TNKS: variants seen among roughly 807,000 people sequenced by gnomAD.
TNKS encodes the protein poly [ADP-ribose] polymerase tankyrase-1.
TNKS carries 72 observed loss-of-function variants against 135.8 expected under a neutral mutation model. That is an observed-to-expected ratio of 0.53 (90% CI 0.44 to 0.64). The LOEUF is 0.64. Among genes scored for constraint, TNKS ranks in the 30% least tolerant of loss-of-function variants. The pLI is 0.00. For missense variants in TNKS, 1,769 were observed against 1,674.0 expected, an observed-to-expected ratio of 1.06 and a Z score of -0.99; for synonymous variants, 849 against 649.3, an observed-to-expected ratio of 1.31 and a Z score of -4.68.
intron 3 of TNKS, chr8:9,679,673 A>ATGCTGTT (rs1802689863): frequency 2.7e-6 from 1 of 374,718 alleles, no homozygotes; most frequent in Non-Finnish European, 4.9e-6. Context: ...TATCAGAGGG[A>ATGCTGTT]ATGTGTTTCT....
At chr8:9,658,776 A>G (rs1354761856) in intron 3 of TNKS, among the ~76,000 whole-genome samples, 1 of 152,246 alleles carries the variant, frequency 6.6e-6, no homozygotes, top group Non-Finnish European at 1.5e-5. Context: ...TCCAATTAAA[A>G]GACACAGACT....
intron 3 of TNKS, among the ~76,000 whole-genome samples, chr8:9,630,931 C>A (rs932610748): frequency 4.6e-5 from 7 of 152,016 alleles, no homozygotes; most frequent in African/African-American, 1.4e-4. Context: ...TAATGTAAAG[C>A]CTCCTTTTTA....
chr8:9,654,924 T>C (rs898034257), intron 3 of TNKS, among the ~76,000 whole-genome samples: 1 of 152,292 alleles, frequency 6.6e-6, no homozygotes, highest in South Asian at 2.1e-4. Flanking sequence ...CAACGCACCA[T>C]GCGTGAGCCG....
At chr8:9,574,829 A>T (rs1011207423) in intron 1 of TNKS, among the ~76,000 whole-genome samples, 2 of 151,962 alleles carry the variant, frequency 1.3e-5, no homozygotes, top group Admixed American at 6.6e-5. Context: ...TGGAGATGCC[A>T]TTTCTTCCTT....
intron 5 of TNKS, among the ~76,000 whole-genome samples, chr8:9,703,464 A>G (rs1333068731): frequency 6.6e-6 from 1 of 152,216 alleles, no homozygotes; most frequent in African/African-American, 2.4e-5. Context: ...ACACACGAGT[A>G]GCATGACTTC....
intron 2 of TNKS, among the ~76,000 whole-genome samples, chr8:9,592,299 T>G (rs529271166): frequency 1.3e-5 from 2 of 152,346 alleles, no homozygotes; most frequent in African/African-American, 4.8e-5. Context: ...TTGTGAACAT[T>G]ATCTGCTTTT....
At chr8:9,617,471 T>A (rs1563120324) in intron 3 of TNKS, among the ~76,000 whole-genome samples, 1 of 152,248 alleles carries the variant, frequency 6.6e-6, no homozygotes, top group African/African-American at 2.4e-5. Context: ...GCTTTTCAGA[T>A]GTGATTTAAA....
intron 3 of TNKS, among the ~76,000 whole-genome samples, chr8:9,617,282 C>T (rs1299798580): frequency 6.6e-6 from 1 of 152,208 alleles, no homozygotes; most frequent in East Asian, 1.9e-4. Context: ...ACAGATATCA[C>T]ATCTACTAAA....
intron 5 of TNKS, among the ~76,000 whole-genome samples, chr8:9,698,235 C>T (rs1438985305): frequency 6.6e-6 from 1 of 152,014 alleles, no homozygotes; most frequent in Admixed American, 6.6e-5. Flanking sequence ...GAACAGTAGA[C>T]ATTGCAGACT....
intron 26 of TNKS, among the ~76,000 whole-genome samples, chr8:9,771,637 A>G: frequency 9.7e-6 from 1 of 103,614 alleles, no homozygotes; most frequent in African/African-American, 3.9e-5. Flanking sequence ...AGGGAGGGAA[A>G]GAGAGAGAGG....
chr8:9,708,996 T>G (rs1339318540), intron 9 of TNKS, among the ~76,000 whole-genome samples: 1 of 152,158 alleles, frequency 6.6e-6, no homozygotes, highest in Non-Finnish European at 1.5e-5. Context: ...CCACGTTTTT[T>G]TCTTCAAATG....
Position 9,598,705 on chromosome 8 carries a change from A to G in TNKS, c.899-16877A>G, listed in dbSNP as rs920346767. Among the ~76,000 whole-genome samples, 493 of 108,232 alleles carry G rather than the reference A, an allele frequency of 4.6e-3. 2 individuals are homozygous for G. The highest frequency in any genetic ancestry group is 0.014 in the African/African-American group (423 of 29,318). 71.0% of individuals were successfully genotyped at this position (108,232 alleles called of 152,430 possible). A position where few individuals can be genotyped will look rare whatever the true frequency, so the allele number is the denominator to read the frequency against. On this transcript the variant is annotated intron_variant, in intron 2 of 26. Coordinates refer to ENST00000310430, the MANE Select transcript of TNKS (RefSeq NM_003747.3). The stretch of plus-strand genomic sequence containing the variant: ...CACAGAGCAAGACCTTGTCTAAAAT[A>G]TGTGTGTGTGTGTGTGTGTGTGTGT...
chr8:9,760,663 C>T (rs1409853800), intron 20 of TNKS, among the ~76,000 whole-genome samples: 1 of 152,104 alleles, frequency 6.6e-6, no homozygotes, highest in Non-Finnish European at 1.5e-5. Context: ...TGTGGCTACC[C>T]GCGTTCATCC....
In TNKS at chr8:9,770,146, C is replaced by T. The variant is rs1262077920; in HGVS notation, c.3781C>T (p.Leu1261=). ...FCRVTLGKSF[L]QFSTMKMAHA... ...TAGAGTGACCCTTGGGAAATCCTTT[C>T]TGCAGTTTAGCACCATGAAAATGGC... Residue 1261 remains leucine (L), a synonymous_variant, in exon 26 of 27, where the codon CTG becomes TTG. Coordinates refer to ENST00000310430, the MANE Select transcript of TNKS (RefSeq NM_003747.3). The T allele has an allele frequency of 2.5e-6, 4 of 1,613,138 alleles. No individual in the cohort carries two copies. In the East Asian group the frequency reaches 6.7e-5, roughly 27 times the overall value.
intron 13 of TNKS, among the ~76,000 whole-genome samples, chr8:9,727,487 C>G (rs943361811): frequency 2.6e-5 from 4 of 152,132 alleles, no homozygotes; most frequent in Admixed American, 1.3e-4. Flanking sequence ...AGGCAGGCCT[C>G]AAACTCCTGG....
At chr8:9,633,235 T>C (rs923099633) in intron 3 of TNKS, among the ~76,000 whole-genome samples, 4 of 152,354 alleles carry the variant, frequency 2.6e-5, no homozygotes, top group Middle Eastern at 3.4e-3. Context: ...CTGGATTTTC[T>C]AAGTTTACGA....
At chr8:9,771,382 AAG>A (rs199999969) in intron 26 of TNKS, among the ~76,000 whole-genome samples, 103 of 71,534 alleles carry the variant, frequency 1.4e-3, no homozygotes, top group Admixed American at 2.3e-3. Context: ...GAGGGAGGGA[AAG>A]AGAGAAAGGG....
Position 9,778,724 on chromosome 8 carries a change from G to A in TNKS, c.*1988G>A. 6.6e-6 allele frequency: 1 copy of A among 152,502 alleles called. No homozygotes were observed. Among genetic ancestry groups the A allele is most frequent in the South Asian group, 2.1e-4 (1 of 4,834 alleles). 9.4% of individuals were successfully genotyped at this position (152,502 alleles called of 1,614,324 possible). On this transcript the variant is annotated 3_prime_UTR_variant, in exon 27 of 27. Coordinates refer to ENST00000310430, the MANE Select transcript of TNKS (RefSeq NM_003747.3). ...TCTTTTGCTGTAACAAAGGGTTGAA[G>A]AAATTGCCATCTGTGTAGTTTTCAG... is the stretch of plus-strand genomic sequence containing the variant.
At chr8:9,769,800 T>A (rs1361671637) in intron 25 of TNKS, among the ~76,000 whole-genome samples, 1 of 151,976 alleles carries the variant, frequency 6.6e-6, no homozygotes, top group Non-Finnish European at 1.5e-5. Context: ...TTTGTATTTT[T>A]AGTAGAGACG....
Sources: allele counts gnomAD v4.1 joint callset (sites outside exome capture counted in the v4.1 genomes callset), GRCh38; gene constraint gnomAD v4.1.1; transcripts MANE v1.5; gene names NCBI Gene and HGNC (gene_info 2026-07-23, HGNC 2026-07-21).